The following LRP1B variants were observed in gnomAD, a reference collection of about 807,000 sequenced individuals.
LRP1B encodes the protein LDL receptor related protein 1B.
In LRP1B, 217 loss-of-function variants were observed where a neutral mutation model predicts 556.6. The observed-to-expected ratio is 0.39, with a 90% CI of 0.35 to 0.44. LRP1B has a LOEUF of 0.44. LRP1B is among the 20% of genes least tolerant of loss of function. The pLI is 1.00. For missense variants in LRP1B, 5,053 were observed against 5,620.8 expected (o/e 0.90, Z 3.23); for synonymous variants, 2,047 against 1,865.8 (o/e 1.10, Z -2.50).
At chr2:141,168,425 A>G (rs998120651) in intron 7 of LRP1B, among the ~76,000 whole-genome samples, 10 of 152,064 alleles carry the variant, frequency 6.6e-5, no homozygotes, top group African/African-American at 2.4e-4. Flanking sequence ...TAAACTATTA[A>G]ATAATCACAC....
intron 2 of LRP1B, among the ~76,000 whole-genome samples, chr2:141,626,238 C>G (rs936592323): frequency 3.3e-5 from 5 of 152,156 alleles, no homozygotes; most frequent in African/African-American, 9.7e-5. Flanking sequence ...ACAACTGATG[C>G]TGGAACAATT....
rs775082200 is a variant in LRP1B at position 141,254,684 on chromosome 2, A to T, written c.344-43T>A. ...ATATATTCTCTATATTTAACTGTAT[A>T]TGTAAATAGTTTGTATTTCTCAGTG... is the stretch of plus-strand genomic sequence containing the variant. On this transcript the variant is annotated intron_variant, in intron 3 of 90. Transcript: ENST00000389484. 6.2e-5 allele frequency: 90 copies of T among 1,447,474 alleles called. No individual in the cohort carries two copies. The South Asian group carries it at 1.1e-3, about 17-fold the overall frequency. 89.7% of individuals were successfully genotyped at this position (1,447,474 alleles called of 1,614,324 possible).
chr2:141,632,733 A>G (rs186085166), intron 2 of LRP1B, among the ~76,000 whole-genome samples: 23 of 152,274 alleles, frequency 1.5e-4, no homozygotes, highest in Admixed American at 1.2e-3. Flanking sequence ...GGAGCCAGAG[A>G]GTCAGTGGTC....
intron 60 of LRP1B, among the ~76,000 whole-genome samples, chr2:140,459,299 G>A (rs907425996): frequency 1.3e-5 from 2 of 152,062 alleles, no homozygotes; most frequent in Non-Finnish European, 2.9e-5. Context: ...TTGGTGATGG[G>A]TGATTATTAT....
At chr2:141,187,075 G>C (rs866079845) in intron 7 of LRP1B, among the ~76,000 whole-genome samples, 1 of 152,038 alleles carries the variant, frequency 6.6e-6, no homozygotes, top group Non-Finnish European at 1.5e-5. Flanking sequence ...TTGTTAGTGC[G>C]TTTGTAAATT....
chr2:140,615,098 G>C (rs183513868), intron 41 of LRP1B, among the ~76,000 whole-genome samples: 5 of 152,164 alleles, frequency 3.3e-5, no homozygotes, highest in Admixed American at 6.6e-5. Flanking sequence ...TGTAACAGAG[G>C]CCTCCCCAAA....
In LRP1B at chr2:140,701,791, C is replaced by T. The variant is rs139951414; in HGVS notation, c.6357G>A (p.Thr2119=). The T allele has an allele frequency of 5.3e-3, 8,539 of 1,613,104 alleles. 22 individuals are homozygous for T. The highest frequency in any genetic ancestry group is 6.7e-3 in the Non-Finnish European group (7,873 of 1,179,358). Residue 2119 remains threonine, a synonymous_variant, in exon 40 of 91, where the codon ACG becomes ACA. Transcript: ENST00000389484. Reference sequence around the variant, plus strand: ...CTCCAAGGCCGGTTCTCATGGTTATCGTTTCTGTGGCATCATTCTTGTGGC... The same window carrying T: ...CTCCAAGGCCGGTTCTCATGGTTATTGTTTCTGTGGCATCATTCTTGTGGC... ...RRGHKNDATE[T]ITMRTGLGVN...
chr2:141,978,695 A>T (rs1018390565), intron 1 of LRP1B, among the ~76,000 whole-genome samples: 8 of 152,006 alleles, frequency 5.3e-5, no homozygotes, highest in Non-Finnish European at 8.8e-5. Context: ...TGGAATATAA[A>T]TAGGTATAAT....
intron 3 of LRP1B, among the ~76,000 whole-genome samples, chr2:141,396,693 T>C (rs1270210124): frequency 6.6e-6 from 1 of 152,132 alleles, no homozygotes; most frequent in Non-Finnish European, 1.5e-5. Flanking sequence ...AAATTCTGGA[T>C]AGGGGAAAAA....
chr2:140,936,690 A>C (rs914677864), intron 20 of LRP1B, among the ~76,000 whole-genome samples: 3 of 152,150 alleles, frequency 2.0e-5, no homozygotes, highest in Non-Finnish European at 4.4e-5. Context: ...TGTTTCCTAC[A>C]TGATTTAAAA....
chr2:140,406,462 A>G (rs1034473316), intron 66 of LRP1B, among the ~76,000 whole-genome samples: 13 of 152,082 alleles, frequency 8.5e-5, no homozygotes, highest in African/African-American at 3.1e-4. Context: ...CCCCACCAAA[A>G]GGCTCCTAGG....
chr2:140,498,261 T>C (rs1029400535), intron 55 of LRP1B, among the ~76,000 whole-genome samples: 18 of 151,874 alleles, frequency 1.2e-4, no homozygotes, highest in Admixed American at 2.0e-4. Context: ...TAAGAAAATA[T>C]AGCTGGCAGA....
intron 18 of LRP1B, among the ~76,000 whole-genome samples, chr2:140,977,306 T>C (rs1696630790): frequency 6.6e-6 from 1 of 152,266 alleles, no homozygotes; most frequent in Admixed American, 6.5e-5. Context: ...ACCTAAGATA[T>C]GACTTGCTCC....
intron 1 of LRP1B, among the ~76,000 whole-genome samples, chr2:142,076,273 C>A (rs1278841885): frequency 6.6e-6 from 1 of 152,022 alleles, no homozygotes; most frequent in Admixed American, 6.6e-5. Flanking sequence ...TGATACCTAT[C>A]TACATTTTAC....
intron 3 of LRP1B, among the ~76,000 whole-genome samples, chr2:141,299,681 A>G (rs2105426895): frequency 6.6e-6 from 1 of 152,314 alleles, no homozygotes; most frequent in Admixed American, 6.5e-5. Context: ...ATATTCACAA[A>G]TAAATTCAAT....
At chr2:140,945,506 T>C (rs890827372) in intron 20 of LRP1B, among the ~76,000 whole-genome samples, 13 of 151,868 alleles carry the variant, frequency 8.6e-5, no homozygotes, top group African/African-American at 2.7e-4. Flanking sequence ...GGTACAAAAA[T>C]AGACACACAG....
chr2:140,471,432 T>C (rs1431615899), intron 60 of LRP1B, among the ~76,000 whole-genome samples: 1 of 152,182 alleles, frequency 6.6e-6, no homozygotes, highest in East Asian at 1.9e-4. Context: ...TTTAAAAATG[T>C]ACAAATATAT....
rs190982468 is a variant in LRP1B at position 141,650,287 on chromosome 2, A to C, written c.205+159992T>G. ...TAGTTAATCTAAAACAGATGTGGGG[A>C]ATTGATATGATTTAGCCTACTTCTT... is the stretch of plus-strand genomic sequence containing the variant. On this transcript the variant is annotated intron_variant, in intron 2 of 90. Transcript: ENST00000389484. Among the ~76,000 whole-genome samples, 6 of 152,262 alleles carry C rather than the reference A, an allele frequency of 3.9e-5. 1 individual carries two copies. The highest frequency in any genetic ancestry group is 3.3e-4 in the Admixed American group (5 of 15,294).
intron 1 of LRP1B, among the ~76,000 whole-genome samples, chr2:142,093,029 CTCCACTTTTT>C (rs1706227963): frequency 6.6e-6 from 1 of 152,044 alleles, no homozygotes; most frequent in South Asian, 2.1e-4. Flanking sequence ...CAAATCCATG[CTCCACTTTTT>C]TCAGTACCTC....
Sources: allele counts gnomAD v4.1 joint callset (sites outside exome capture counted in the v4.1 genomes callset), GRCh38; gene constraint gnomAD v4.1.1; transcripts MANE v1.5; gene names NCBI Gene and HGNC (gene_info 2026-07-23, HGNC 2026-07-21).